The following FAM20C variants were observed in gnomAD, a reference collection of about 807,000 sequenced individuals.
FAM20C encodes the protein extracellular serine/threonine protein kinase FAM20C.
Under a neutral mutation model 51.5 loss-of-function variants are expected in FAM20C, and 40 were observed. The ratio of observed to expected loss-of-function variants is 0.78; its 90% CI spans 0.60 to 1.01. The LOEUF (loss-of-function observed/expected upper bound fraction) is 1.01, where lower values mean the gene tolerates loss of function less well. Ranked by LOEUF, FAM20C falls within the 50% of genes least tolerant of loss-of-function variation. The pLI, the probability that FAM20C is intolerant of heterozygous loss-of-function variation, is 0.00. For synonymous variants in FAM20C, 406 were observed against 380.6 expected (o/e 1.07, Z -0.78); for missense variants, 861 against 844.7 (o/e 1.02, Z -0.24).
chr7:226,509 C>T (rs941340590), intron 3 of FAM20C, among the ~76,000 whole-genome samples: 7 of 152,208 alleles, frequency 4.6e-5, no homozygotes, highest in African/African-American at 1.2e-4. Flanking sequence ...CGCAGCCACA[C>T]GGCCGCCCGG....
chr7:197,744 A>ACT, intron 2 of FAM20C, among the ~76,000 whole-genome samples: 1 of 152,190 alleles, frequency 6.6e-6, no homozygotes, highest in East Asian at 1.9e-4. Flanking sequence ...TCCCTCACCG[A>ACT]CCGGTCAGCT....
At chr7:245,302 TG>T (rs199612479) in intron 3 of FAM20C, among the ~76,000 whole-genome samples, 85,574 of 152,172 alleles carry the variant, frequency 0.56, 25,173 homozygotes, top group African/African-American at 0.75. Flanking sequence ...CCGCCAGCTC[TG>T]GTTTCCAGCA....
Position 195,334 on chromosome 7 carries a change from A to G in FAM20C, c.606-220A>G, listed in dbSNP as rs956237393. 4.3e-5 allele frequency: 19 copies of G among 440,208 alleles called. No homozygotes were observed. In the Admixed American group the frequency reaches 6.2e-4, roughly 14 times the overall value. 27.3% of individuals were successfully genotyped at this position (440,208 alleles called of 1,614,324 possible). A position where few individuals can be genotyped will look rare whatever the true frequency, so the allele number is the denominator to read the frequency against. On this transcript the variant is annotated intron_variant, in intron 1 of 9. Transcript: ENST00000313766. ...TCTGTGGTGTCTCCAGAGGGTGAGT[A>G]AGAATTACAGGCCTTTCACCGTGTT...
intron 5 of FAM20C, among the ~76,000 whole-genome samples, chr7:254,496 AG>A (rs1788516313): frequency 6.6e-6 from 1 of 152,262 alleles, no homozygotes; most frequent in Non-Finnish European, 1.5e-5. Flanking sequence ...AAATAAATAC[AG>A]GAATAGCGCC....
At chr7:249,886 T>C (rs924328047) in intron 5 of FAM20C, among the ~76,000 whole-genome samples, 1 of 152,164 alleles carries the variant, frequency 6.6e-6, no homozygotes. Flanking sequence ...GGGGACACTC[T>C]CCTACCTGTC....
intron 2 of FAM20C, among the ~76,000 whole-genome samples, chr7:201,792 C>G (rs1418282068): frequency 6.6e-6 from 1 of 152,174 alleles, no homozygotes; most frequent in Non-Finnish European, 1.5e-5. Flanking sequence ...GTGCTGTGAC[C>G]CGGGGAGAGA....
chr7:258,816 A>G, intron 9 of FAM20C, 111 bp downstream of exon 9: 1 of 1,088,908 alleles, frequency 9.2e-7, no homozygotes. Context: ...TGGGAGAGAA[A>G]AGGCCCCGAA....
intron 9 of FAM20C, among the ~76,000 whole-genome samples, chr7:259,116 A>C (rs1788763410): frequency 6.6e-6 from 1 of 152,196 alleles, no homozygotes; most frequent in Non-Finnish European, 1.5e-5. Flanking sequence ...CTTGCAGGGC[A>C]AACGCTTTGT....
intron 3 of FAM20C, among the ~76,000 whole-genome samples, chr7:242,365 A>G (rs1787971513): frequency 6.8e-6 from 1 of 147,896 alleles, no homozygotes; most frequent in Admixed American, 6.6e-5. Flanking sequence ...TTGTGTGTAC[A>G]GGGCAAGGGG....
At position 207,385 on chromosome 7, in the gene FAM20C, C is replaced by T. The variant is rs959085523; in HGVS notation, c.785-1513C>T. Among the ~76,000 whole-genome samples the T allele has an allele frequency of 5.0e-4, 76 of 151,212 alleles. 15 individuals carry two copies. The highest frequency in any genetic ancestry group is 1.7e-3 in the African/African-American group (69 of 41,316). ...GCGTCGGTCACTGTCCCCTTGGCCC[C>T]GCACACGTGCTCACTGTCTCCTTCA... On this transcript the variant is annotated intron_variant, in intron 2 of 9. Coordinates refer to ENST00000313766, the MANE Select transcript of FAM20C (RefSeq NM_020223.4).
chr7:201,506 C>T (rs1583281077), intron 2 of FAM20C, among the ~76,000 whole-genome samples: 1 of 152,164 alleles, frequency 6.6e-6, no homozygotes, highest in South Asian at 2.1e-4. Context: ...CCCCCAGGCC[C>T]GGGCCACACA....
At chr7:259,101 G>A (rs370159837) in intron 9 of FAM20C, among the ~76,000 whole-genome samples, 1 of 152,246 alleles carries the variant, frequency 6.6e-6, no homozygotes, top group Non-Finnish European at 1.5e-5. Flanking sequence ...GGCTGGGGAC[G>A]CAGGCTTGCA....
intron 3 of FAM20C, among the ~76,000 whole-genome samples, chr7:212,780 C>T (rs780129839): frequency 3.9e-5 from 6 of 152,168 alleles, no homozygotes; most frequent in Non-Finnish European, 5.9e-5. Context: ...AAGATATTTA[C>T]GTTCTTTTTT....
chr7:257,834 GCAGGGTGGACCCACTGCCTGGGGT>G (rs1788658640), intron 8 of FAM20C, among the ~76,000 whole-genome samples: 5 of 119,934 alleles, frequency 4.2e-5, no homozygotes, highest in African/African-American at 1.4e-4. Context: ...CTGGAGATGG[GCAGGGTGGACCCACTGCCTGGGGT>G]GCTGGAGATG....
intron 4 of FAM20C, among the ~76,000 whole-genome samples, chr7:247,717 C>T (rs939020230): frequency 2.6e-5 from 4 of 152,202 alleles, no homozygotes; most frequent in African/African-American, 7.2e-5. Context: ...CAGCCCCCCT[C>T]GGGTCCACCT....
rs1167075353 is a variant in FAM20C, at chr7:240,478, A to G, written c.864-5937A>G. On this transcript the variant is annotated intron_variant, in intron 3 of 9. Transcript: ENST00000313766. ...GGTGGAGGTGATGACCATGGTGGTG[A>G]TGATGATGATAGAGGTGATGGTGGA... Among the ~76,000 whole-genome samples the G allele has an allele frequency of 7.6e-5, 10 of 131,520 alleles. No homozygotes were observed. In the East Asian group the frequency reaches 2.3e-3, roughly 30 times the overall value. 86.3% of individuals were successfully genotyped at this position (131,520 alleles called of 152,430 possible).
At chr7:208,204 T>G (rs1786530450) in intron 2 of FAM20C, among the ~76,000 whole-genome samples, 1 of 151,492 alleles carries the variant, frequency 6.6e-6, no homozygotes, top group African/African-American at 2.4e-5. Flanking sequence ...TCTGTGGGTG[T>G]GTAAATGTAG....
At chr7:220,420 C>G (rs1562378802) in intron 3 of FAM20C, among the ~76,000 whole-genome samples, 1 of 34,674 alleles carries the variant, frequency 2.9e-5, no homozygotes, top group Non-Finnish European at 7.1e-5. Context: ...GGGGCGTGGT[C>G]AACGCACGTG....
At chr7:201,793 C>T (rs1461860361) in intron 2 of FAM20C, among the ~76,000 whole-genome samples, 3 of 152,208 alleles carry the variant, frequency 2.0e-5, no homozygotes, top group South Asian at 4.2e-4. Flanking sequence ...TGCTGTGACC[C>T]GGGGAGAGAC....
Sources: gnomAD v4.1 joint callset for allele counts (sites outside exome capture counted in the v4.1 genomes callset) on GRCh38, gnomAD v4.1.1 for gene constraint, MANE v1.5 for transcripts, NCBI Gene and HGNC (gene_info 2026-07-23, HGNC 2026-07-21) for gene names.